Variants in GPLD1 observed in about 807,000 individuals in gnomAD.
GPLD1 encodes glycosylphosphatidylinositol specific phospholipase D1.
A neutral mutation model predicts 112.6 loss-of-function variants in GPLD1; 84 were observed. The observed-to-expected ratio is 0.75, with a 90% CI of 0.63 to 0.89. GPLD1 has a LOEUF of 0.89. Ranked by LOEUF, GPLD1 falls within the 40% of genes least tolerant of loss-of-function variation. The pLI is 0.00. For synonymous variants in GPLD1, 386 were observed against 403.8 expected (o/e 0.96, Z 0.53); for missense variants, 1,044 against 1,051.5 (o/e 0.99, Z 0.10).
At chr6:24,479,289 C>A (rs1448812953) in intron 3 of GPLD1, among the ~76,000 whole-genome samples, 1 of 152,194 alleles carries the variant, frequency 6.6e-6, no homozygotes. Flanking sequence ...AGAGAGTGTT[C>A]CTGACCGAAA....
At chr6:24,432,268 A>AC (rs1554128516) in intron 24 of GPLD1, among the ~76,000 whole-genome samples, 1 of 147,514 alleles carries the variant, frequency 6.8e-6, no homozygotes, top group Non-Finnish European at 1.5e-5. Flanking sequence ...AAAAAAAAAA[A>AC]GGTGTGTGTG....
At chr6:24,462,703 C>T (rs767758865) in intron 11 of GPLD1, 27 bp downstream of exon 11, 1 of 1,522,532 alleles carries the variant, frequency 6.6e-7, no homozygotes, top group Non-Finnish European at 9.1e-7. Context: ...TGTACTTTTT[C>T]TATGAACAAT....
intron 14 of GPLD1, among the ~76,000 whole-genome samples, chr6:24,451,756 A>G (rs1763097041): frequency 6.6e-6 from 1 of 152,130 alleles, no homozygotes; most frequent in South Asian, 2.1e-4. Context: ...ATCTCTCCAC[A>G]CCCGTGTGCA....
chr6:24,442,110 A>G (rs1353294704), intron 20 of GPLD1, among the ~76,000 whole-genome samples: 1 of 150,222 alleles, frequency 6.7e-6, no homozygotes, highest in Non-Finnish European at 1.5e-5. Flanking sequence ...TTATAATTAA[A>G]CTTATTTTCT....
Position 24,425,935 on chromosome 6 carries a change from T to C in GPLD1, c.*3097A>G, listed in dbSNP as rs979717960. 1 of 152,216 alleles carries C rather than the reference T, an allele frequency of 6.6e-6. No individual in the cohort carries two copies. The highest frequency in any genetic ancestry group is 2.4e-5 in the African/African-American group (1 of 41,462). 9.4% of individuals were successfully genotyped at this position (152,216 alleles called of 1,614,324 possible). Reference sequence around the variant, plus strand: ...TAAAGTTGCACGTTGGATTTAACTCTCATGACTTTAGTAATACCTACAGAG... The same window carrying C: ...TAAAGTTGCACGTTGGATTTAACTCCCATGACTTTAGTAATACCTACAGAG... On this transcript the variant is annotated 3_prime_UTR_variant, in exon 25 of 25. Coordinates refer to ENST00000230036, the MANE Select transcript of GPLD1 (RefSeq NM_001503.4).
intron 14 of GPLD1, among the ~76,000 whole-genome samples, chr6:24,453,011 C>G (rs1384330438): frequency 6.6e-6 from 1 of 152,012 alleles, no homozygotes; most frequent in Admixed American, 6.6e-5. Flanking sequence ...CCCCACCCCC[C>G]CACGCTCCTC....
At chr6:24,424,390 G>A (rs183408305), downstream of GPLD1, 6 of 152,192 alleles carry the variant, frequency 3.9e-5, no homozygotes, top group African/African-American at 9.6e-5. Flanking sequence ...TTACTGTTTT[G>A]TAGCACTTTG....
intron 20 of GPLD1, among the ~76,000 whole-genome samples, chr6:24,444,841 T>C (rs1326612360): frequency 6.6e-6 from 1 of 152,040 alleles, no homozygotes; most frequent in East Asian, 1.9e-4. Context: ...ACAGCAAGAC[T>C]GTCTCAAAAA....
At chr6:24,453,540 G>A in intron 14 of GPLD1, among the ~76,000 whole-genome samples, 1 of 152,158 alleles carries the variant, frequency 6.6e-6, no homozygotes, top group Non-Finnish European at 1.5e-5. Context: ...GGAGGCTGAG[G>A]CAGGAGAATT....
At chr6:24,478,710 T>C (rs575951276) in intron 3 of GPLD1, among the ~76,000 whole-genome samples, 77 of 151,816 alleles carry the variant, frequency 5.1e-4, no homozygotes, top group Non-Finnish European at 8.1e-4. Context: ...GTGGGCTGGC[T>C]GTGCCCCTTA....
At chr6:24,462,465 T>C (rs1261309874) in intron 11 of GPLD1, among the ~76,000 whole-genome samples, 3 of 152,192 alleles carry the variant, frequency 2.0e-5, no homozygotes, top group Admixed American at 2.0e-4. Flanking sequence ...CAACTCAACA[T>C]GTGCTAATTG....
chr6:24,449,994 C>T, intron 14 of GPLD1, 95 bp from the exon 15 acceptor site: 1 of 762,554 alleles, frequency 1.3e-6, no homozygotes, highest in Non-Finnish European at 2.1e-6. Flanking sequence ...GGGACAACCC[C>T]CGCCCCCCGC....
At chr6:24,486,896 C>T (rs571996245) in intron 1 of GPLD1, among the ~76,000 whole-genome samples, 29 of 152,124 alleles carry the variant, frequency 1.9e-4, no homozygotes, top group South Asian at 1.5e-3. Flanking sequence ...CAATATAACA[C>T]CTAACCTATG....
intron 3 of GPLD1, among the ~76,000 whole-genome samples, chr6:24,479,469 C>G: frequency 6.6e-6 from 1 of 152,186 alleles, no homozygotes; most frequent in South Asian, 2.1e-4. Flanking sequence ...ACAATCCAGT[C>G]TAGGCAGGGC....
At chr6:24,478,315 C>T (rs897311745) in intron 3 of GPLD1, among the ~76,000 whole-genome samples, 1 of 152,120 alleles carries the variant, frequency 6.6e-6, no homozygotes, top group African/African-American at 2.4e-5. Flanking sequence ...GGAAACAGAA[C>T]AAAACTCCTT....
chr6:24,432,356 G>A (rs1232622093), intron 24 of GPLD1, among the ~76,000 whole-genome samples: 1 of 151,816 alleles, frequency 6.6e-6, no homozygotes, highest in Non-Finnish European at 1.5e-5. Context: ...CCAGCACTTT[G>A]GAAGGCAGAG....
intron 17 of GPLD1, 66 bp downstream of exon 17, chr6:24,447,811 T>G (rs1762958673): frequency 1.4e-6 from 2 of 1,453,300 alleles, no homozygotes; most frequent in East Asian, 2.3e-5. Context: ...TAAACCCCTA[T>G]GCAGGATAAG....
intron 3 of GPLD1, 24 bp from the exon 4 acceptor site, chr6:24,476,302 T>G: frequency 3.7e-5 from 45 of 1,228,950 alleles, no homozygotes; most frequent in Non-Finnish European, 5.0e-5. Flanking sequence ...AGCAGGGCTC[T>G]AGATTCTCTC....
At chr6:24,453,223 G>A (rs1340777714) in intron 14 of GPLD1, among the ~76,000 whole-genome samples, 1 of 152,204 alleles carries the variant, frequency 6.6e-6, no homozygotes, top group East Asian at 1.9e-4. Context: ...GATGTACAGT[G>A]TTGTTTTTAT....
Sources: allele counts gnomAD v4.1 joint callset (sites outside exome capture counted in the v4.1 genomes callset), GRCh38; gene constraint gnomAD v4.1.1; transcripts MANE v1.5; gene names NCBI Gene and HGNC (gene_info 2026-07-23, HGNC 2026-07-21).